The following LRRC9 variants were observed in gnomAD, a reference collection of about 807,000 sequenced individuals.
LRRC9 encodes leucine rich repeat containing 9, also known as leucine-rich repeat-containing protein 9.
LRRC9 carries 122 observed loss-of-function variants against 63.2 expected under a neutral mutation model. The ratio of observed to expected loss-of-function variants is 1.93; its 90% CI spans 1.67 to 2.24. The LOEUF is 2.24. LRRC9 is among the 30% of genes most tolerant of loss of function. LRRC9 has a pLI of 0.00. For missense variants in LRRC9, 1,071 were observed against 627.7 expected (o/e 1.71, Z -7.55); for synonymous variants, 366 against 213.1 (o/e 1.72, Z -6.25).
intron 30 of LRRC9, among the ~76,000 whole-genome samples, chr14:60,057,003 G>T (rs761303749): frequency 2.6e-5 from 4 of 152,146 alleles, no homozygotes; most frequent in Non-Finnish European, 5.9e-5. Context: ...TCCCATAAAG[G>T]AATTCGTTAG....
In LRRC9 at chr14:59,975,140, CATATATATATGT is replaced by C. The variant is rs1594915645; in HGVS notation, c.1639+443_1639+454del. Reference sequence around the variant, plus strand: ...ATATATATATATGTATATATATATACATATATATATGTATATATATATATGTATATATATATA... The same window carrying C: ...ATATATATATATGTATATATATATACATATATATATATGTATATATATATA... On this transcript the variant is annotated intron_variant, in intron 13 of 31. Coordinates refer to ENST00000445360, the Ensembl canonical transcript of LRRC9. 2.2e-4 allele frequency among the ~76,000 whole-genome samples: 3 copies of C among 13,514 alleles called. 1 individual carries two copies. In the East Asian group the frequency reaches 5.3e-3, roughly 24 times the overall value. 8.9% of individuals were successfully genotyped at this position (13,514 alleles called of 152,430 possible).
chr14:59,937,977 C>G (rs1176151994), intron 6 of LRRC9, among the ~76,000 whole-genome samples: 1 of 152,038 alleles, frequency 6.6e-6, no homozygotes, highest in Non-Finnish European at 1.5e-5. Flanking sequence ...GATCTGGAGG[C>G]AGCGAGGATG....
At chr14:60,008,201 A>T in exon 23 of LRRC9, 2 of 699,956 alleles carry the variant, frequency 2.9e-6, no homozygotes, top group Non-Finnish European at 2.6e-6. Flanking sequence ...AAAGCTTTGG[A>T]TGGGATACCA....
rs1889543901 is a variant in LRRC9 at position 60,003,339 on chromosome 14, T to C, written c.2665-282T>C. ...TGCAGGGACTGACAGCTGAAGACTC[T>C]GCCAGAAGCACTCCCAGCAGCTGGG... On this transcript the variant is annotated intron_variant, in intron 20 of 31. Transcript: ENST00000445360. This position sits in a 1 kb window ranked among gnomAD's most constrained non-coding sequence, Gnocchi z 4.2. Among the ~76,000 whole-genome samples the C allele has an allele frequency of 6.6e-6, 1 of 152,340 alleles. No homozygotes were observed. Among genetic ancestry groups the C allele is most frequent in the Non-Finnish European group, 1.5e-5 (1 of 68,034 alleles).
intron 29 of LRRC9, among the ~76,000 whole-genome samples, chr14:60,050,853 G>C (rs1300683243): frequency 1.3e-5 from 2 of 152,080 alleles, no homozygotes; most frequent in East Asian, 1.9e-4. Context: ...GTTTGCTGGG[G>C]GTCCACCGCA....
In LRRC9 at chr14:60,003,416, C is replaced by T. The variant is rs1013942792; in HGVS notation, c.2665-205C>T. On this transcript the variant is annotated intron_variant, in intron 20 of 31. Coordinates refer to ENST00000445360, the Ensembl canonical transcript of LRRC9. The surrounding 1 kb of genome is among the most constrained non-coding windows in gnomAD (Gnocchi z 4.2). ...TAGCACATCGCAGTGTCCTTAATAC[C>T]ATATAAGTCCTTCTTGGAGTTATAA... Among the ~76,000 whole-genome samples the T allele has an allele frequency of 3.9e-5, 6 of 152,190 alleles. No individual in the cohort carries two copies. Among genetic ancestry groups the T allele is most frequent in the Non-Finnish European group, 8.8e-5 (6 of 68,032 alleles).
intron 12 of LRRC9, among the ~76,000 whole-genome samples, chr14:59,971,793 T>C (rs1885534477): frequency 6.6e-6 from 1 of 152,060 alleles, no homozygotes; most frequent in South Asian, 2.1e-4. Context: ...CCTAATCCCA[T>C]TGCCTGCGAC....
rs984891403 is a variant in LRRC9 at position 59,932,471 on chromosome 14, C to T, written c.543+432C>T. Among the ~76,000 whole-genome samples the T allele has an allele frequency of 6.6e-6, 1 of 152,068 alleles. No homozygotes were observed. The highest frequency in any genetic ancestry group is 6.6e-5 in the Admixed American group (1 of 15,256). The stretch of plus-strand genomic sequence containing the variant: ...AAACTAGTACCTTTACTTTCCTTAA[C>T]AACTCTCCAGAACTGTACACATATC... On this transcript the variant is annotated intron_variant, in intron 6 of 31. Coordinates refer to ENST00000445360, the Ensembl canonical transcript of LRRC9. The surrounding 1 kb of genome is among the most constrained non-coding windows in gnomAD (Gnocchi z 4.7).
intron 30 of LRRC9, chr14:60,057,659 A>AC (rs1421119900): frequency 2.9e-6 from 1 of 340,258 alleles, no homozygotes; most frequent in Non-Finnish European, 5.3e-6. Flanking sequence ...GTCTGAAAAA[A>AC]AAAAAAAAAA....
chr14:59,955,822 A>C lies in LRRC9; in HGVS notation c.883-3996A>C, dbSNP rs534293044. 3.3e-5 allele frequency among the ~76,000 whole-genome samples: 5 copies of C among 152,272 alleles called. No individual in the cohort carries two copies. In the South Asian group the frequency reaches 1.0e-3, roughly 32 times the overall value. ...TAACACTGCTGTAGCTGTGTCCCAG[A>C]GATTCTGGTACGTTGTCTCTTTGTT... On this transcript the variant is annotated intron_variant, in intron 8 of 31. Transcript: ENST00000445360.
chr14:60,038,884 TATG>T, intron 29 of LRRC9, among the ~76,000 whole-genome samples: 1 of 152,238 alleles, frequency 6.6e-6, no homozygotes. Context: ...GCCCATTCAG[TATG>T]ATATTGGCTG....
chr14:60,018,853 A>G (rs960147217), intron 25 of LRRC9, among the ~76,000 whole-genome samples: 2 of 151,930 alleles, frequency 1.3e-5, no homozygotes, highest in Admixed American at 1.3e-4. Context: ...TCGACTAAAA[A>G]TTATTTCATC....
In LRRC9 at chr14:60,053,847, A is replaced by G. The variant is rs749311132; in HGVS notation, c.4131+642A>G. On this transcript the variant is annotated intron_variant, in intron 30 of 31. Transcript: ENST00000445360. This position sits in a 1 kb window ranked among gnomAD's most constrained non-coding sequence, Gnocchi z 4.8. ...GACCATCTTCTAAAGACTAAATTTA[A>G]CACAGAAAATCTATGGTTTTTGAAC... is the stretch of plus-strand genomic sequence containing the variant. 40 of 436,024 alleles carry G rather than the reference A, an allele frequency of 9.2e-5. No individual in the cohort carries two copies. Among genetic ancestry groups the G allele is most frequent in the South Asian group, 6.2e-4 (37 of 59,788 alleles). 27.0% of individuals were successfully genotyped at this position (436,024 alleles called of 1,614,324 possible).
intron 29 of LRRC9, 49 bp downstream of exon 29, chr14:60,032,112 A>G (rs1363814663): frequency 1.5e-6 from 1 of 667,798 alleles, no homozygotes; most frequent in East Asian, 2.7e-5. Context: ...TGGTAGTTTT[A>G]TAAAATTTAT....
intron 6 of LRRC9, among the ~76,000 whole-genome samples, chr14:59,935,368 T>C (rs1890057783): frequency 6.6e-6 from 1 of 151,998 alleles, no homozygotes; most frequent in Non-Finnish European, 1.5e-5. Context: ...TTTATAAACA[T>C]GTTACTCTGT....
intron 26 of LRRC9, among the ~76,000 whole-genome samples, chr14:60,020,404 G>A (rs1891027961): frequency 6.6e-6 from 1 of 151,808 alleles, no homozygotes; most frequent in Non-Finnish European, 1.5e-5. Context: ...TACGATTAAA[G>A]CTACTATGAA....
At chr14:60,041,465 T>A (rs1174711206) in intron 29 of LRRC9, among the ~76,000 whole-genome samples, 5 of 152,178 alleles carry the variant, frequency 3.3e-5, no homozygotes, top group Non-Finnish European at 4.4e-5. Context: ...TTTTTTACTC[T>A]AAACTTCTCA....
At chr14:60,065,467 G>A (rs989063437), downstream of LRRC9, among the ~76,000 whole-genome samples, 1 of 150,940 alleles carries the variant, frequency 6.6e-6, no homozygotes, top group African/African-American at 2.4e-5. Context: ...GGCCAACAAG[G>A]CAAAGCCCCA....
At chr14:59,960,089 C>T (rs1884198760) in intron 9 of LRRC9, 75 bp downstream of exon 9, 5 of 552,686 alleles carry the variant, frequency 9.0e-6, no homozygotes, top group Non-Finnish European at 1.3e-5. Flanking sequence ...ATCAGTTGAC[C>T]CTAGTTCCCT....
Sources: gnomAD v4.1 joint callset for allele counts (sites outside exome capture counted in the v4.1 genomes callset) on GRCh38, gnomAD v4.1.1 for gene constraint, Gnocchi (gnomAD v3.1) non-coding constraint, MANE v1.5 for transcripts, NCBI Gene and HGNC (gene_info 2026-07-23, HGNC 2026-07-21) for gene names.